The following SDK1 variants were observed in gnomAD, a reference collection of about 807,000 sequenced individuals.
SDK1 encodes the protein sidekick cell adhesion molecule 1.
A neutral mutation model predicts 245.5 loss-of-function variants in SDK1; 157 were observed. The ratio of observed to expected loss-of-function variants is 0.64; its 90% confidence interval spans 0.56 to 0.73. The LOEUF (loss-of-function observed/expected upper bound fraction) is 0.73. Ranked by LOEUF, SDK1 falls within the 30% of genes least tolerant of loss-of-function variation. The probability of loss-of-function intolerance (pLI) is 0.00; values close to 1 mark genes in which losing one functional copy is unlikely to be tolerated. For synonymous variants in SDK1, 1,647 were observed against 1,278.5 expected, an observed-to-expected ratio of 1.29 and a Z score of -6.15; for missense variants, 3,583 against 3,002.3, an observed-to-expected ratio of 1.19 and a Z score of -4.52.
chr7:3,754,565 CCT>C (rs2114981604), intron 4 of SDK1, among the ~76,000 whole-genome samples: 1 of 152,194 alleles, frequency 6.6e-6, no homozygotes, highest in South Asian at 2.1e-4. Flanking sequence ...CTCAGTATCC[CCT>C]GTTCCCTGCA....
intron 4 of SDK1, among the ~76,000 whole-genome samples, chr7:3,746,314 G>C (rs979842493): frequency 1.3e-5 from 2 of 152,170 alleles, no homozygotes; most frequent in African/African-American, 4.8e-5. Flanking sequence ...TGATGGTACA[G>C]GGTCTTACCT....
intron 35 of SDK1, among the ~76,000 whole-genome samples, chr7:4,189,926 A>G (rs936028022): frequency 1.3e-5 from 2 of 152,204 alleles, no homozygotes; most frequent in East Asian, 1.9e-4. Context: ...AAATTGTCGT[A>G]CAATATGGGT....
At chr7:3,810,930 C>T (rs1052194166) in intron 4 of SDK1, among the ~76,000 whole-genome samples, 1 of 152,208 alleles carries the variant, frequency 6.6e-6, no homozygotes, top group African/African-American at 2.4e-5. Flanking sequence ...ATAGAGGCTT[C>T]TGGTCATTTT....
intron 1 of SDK1, among the ~76,000 whole-genome samples, chr7:3,361,936 AT>A (rs1562440838): frequency 6.6e-6 from 1 of 152,132 alleles, no homozygotes; most frequent in Non-Finnish European, 1.5e-5. Context: ...AGCAGATTAC[AT>A]TTTCAGTGGC....
chr7:3,468,386 T>C (rs1781076495), intron 1 of SDK1, among the ~76,000 whole-genome samples: 1 of 152,184 alleles, frequency 6.6e-6, no homozygotes, highest in Non-Finnish European at 1.5e-5. Flanking sequence ...GACCTTCTCC[T>C]GCCCTCCTGT....
At chr7:3,943,203 C>G (rs1780433956) in intron 5 of SDK1, among the ~76,000 whole-genome samples, 2 of 152,114 alleles carry the variant, frequency 1.3e-5, no homozygotes, top group African/African-American at 4.8e-5. Flanking sequence ...AAATAGAAGG[C>G]TGTGTTTTTT....
rs1004414682 is a variant in SDK1, at chr7:4,268,384, G to A, written c.*3000G>A. The A allele has an allele frequency of 1.9e-6, 2 of 1,070,802 alleles. No homozygotes were observed. Among genetic ancestry groups the A allele is most frequent in the African/African-American group, 3.4e-5 (2 of 59,450 alleles). The allele number at this position is 1,070,802 out of a possible 1,614,324, so 66.3% of individuals were successfully genotyped here. A position where few individuals can be genotyped will look rare whatever the true frequency, so the allele number is the denominator to read the frequency against. On this transcript the variant is annotated 3_prime_UTR_variant, in exon 45 of 45. Coordinates refer to ENST00000404826, the MANE Select transcript of SDK1 (RefSeq NM_152744.4). ...TCGGCCTCCTGCACGGCCACCTTCT[G>A]GGTGAATCGGTCCAGCCCAAGCCCC...
At chr7:3,646,576 C>A (rs992397492) in intron 4 of SDK1, among the ~76,000 whole-genome samples, 2 of 152,164 alleles carry the variant, frequency 1.3e-5, no homozygotes, top group African/African-American at 4.8e-5. Flanking sequence ...CCAGGGTTCA[C>A]ACCCGGGTCT....
At chr7:3,356,331 T>C (rs1404612879) in intron 1 of SDK1, among the ~76,000 whole-genome samples, 1 of 152,078 alleles carries the variant, frequency 6.6e-6, no homozygotes, top group African/African-American at 2.4e-5. Flanking sequence ...AAAATAAACA[T>C]CTGGGCAGTT....
chr7:4,067,970 TAA>T (rs749014082), intron 20 of SDK1, 34 bp downstream of exon 20: 22 of 1,496,324 alleles, frequency 1.5e-5, no homozygotes, highest in Admixed American at 1.8e-5. Flanking sequence ...AAGGAAAAGA[TAA>T]GTTTGTCCTC....
In SDK1 at chr7:4,012,210, G is replaced by T; in HGVS notation, c.2395G>T (p.Gly799Trp). Reference sequence around the variant, plus strand: ...GCCACCCCCAGAAACAGAGCACAACGGGGTGTTGCGTGGATACATCCTCAG... The same window carrying T: ...GCCACCCCCAGAAACAGAGCACAACTGGGTGTTGCGTGGATACATCCTCAG... ...WQPPPETEHN[G>W]VLRGYILRYR... Residue 799 changes from glycine to tryptophan, a missense_variant, in exon 16 of 45, where the codon GGG becomes TGG. Physicochemically the swap from Gly to Trp is radical, Grantham distance 184. Transcript: ENST00000404826. The T allele has an allele frequency of 6.5e-7, 1 of 1,546,284 alleles. No individual in the cohort carries two copies. Among genetic ancestry groups the T allele is most frequent in the Non-Finnish European group, 8.7e-7 (1 of 1,148,306 alleles).
At chr7:3,836,221 A>C (rs1177159258) in intron 5 of SDK1, among the ~76,000 whole-genome samples, 13 of 152,236 alleles carry the variant, frequency 8.5e-5, no homozygotes, top group Admixed American at 8.5e-4. Context: ...TGTTAAAATG[A>C]GTTGCTTTAC....
chr7:3,777,831 A>G (rs1387587889), intron 4 of SDK1, among the ~76,000 whole-genome samples: 1 of 152,200 alleles, frequency 6.6e-6, no homozygotes, highest in African/African-American at 2.4e-5. Flanking sequence ...GACTTTACAG[A>G]AAGTCGTCCT....
intron 19 of SDK1, among the ~76,000 whole-genome samples, chr7:4,057,492 G>A (rs1056958581): frequency 2.0e-5 from 3 of 152,118 alleles, no homozygotes; most frequent in African/African-American, 7.2e-5. Flanking sequence ...AGGAGCCAGG[G>A]GATTGTCCCA....
At chr7:3,418,038 C>G (rs1348045950) in intron 1 of SDK1, among the ~76,000 whole-genome samples, 1 of 150,144 alleles carries the variant, frequency 6.7e-6, no homozygotes, top group African/African-American at 2.5e-5. Flanking sequence ...TAGACACTGT[C>G]AGAATCTGCC....
intron 1 of SDK1, among the ~76,000 whole-genome samples, chr7:3,599,452 A>C (rs960910202): frequency 6.6e-6 from 1 of 152,182 alleles, no homozygotes; most frequent in African/African-American, 2.4e-5. Context: ...AGTCTTTTGA[A>C]GAGCAGAAGG....
chr7:3,952,122 T>G, intron 7 of SDK1: 1 of 577,202 alleles, frequency 1.7e-6, no homozygotes, highest in Non-Finnish European at 3.0e-6. Flanking sequence ...GTTGATGTTC[T>G]CAATCCTTCC....
intron 1 of SDK1, among the ~76,000 whole-genome samples, chr7:3,308,156 G>A (rs183923155): frequency 3.5e-4 from 53 of 152,212 alleles, no homozygotes; most frequent in African/African-American, 1.1e-3. Flanking sequence ...ATCAGTATAA[G>A]CCTGAAATTT....
At chr7:4,192,343 T>C (rs1783256973) in intron 35 of SDK1, among the ~76,000 whole-genome samples, 1 of 152,220 alleles carries the variant, frequency 6.6e-6, no homozygotes, top group Non-Finnish European at 1.5e-5. Flanking sequence ...TGGCACTATC[T>C]TGGCTCACTG....
Sources: gnomAD v4.1 joint callset for allele counts (sites outside exome capture counted in the v4.1 genomes callset) on GRCh38, gnomAD v4.1.1 for gene constraint, MANE v1.5 for transcripts, NCBI Gene and HGNC (gene_info 2026-07-23, HGNC 2026-07-21) for gene names.